FMO5: variants seen among roughly 807,000 people sequenced by gnomAD.
FMO5 encodes flavin containing dimethylaniline monoxygenase 5.
A neutral mutation model predicts 43.6 loss-of-function variants in FMO5; 51 were observed. That is an observed-to-expected ratio of 1.17 (90% CI 0.93 to 1.48). The LOEUF (loss-of-function observed/expected upper bound fraction) is 1.48. Ranked by LOEUF, FMO5 falls within the 40% of genes most tolerant of loss-of-function variation. The pLI is 0.00. For synonymous variants in FMO5, 187 were observed against 216.5 expected, an observed-to-expected ratio of 0.86 and a Z score of 1.20; for missense variants, 644 against 643.0, an observed-to-expected ratio of 1.00 and a Z score of -0.02.
At chr1:147,185,305 C>G (rs1318878245), downstream of FMO5, among the ~76,000 whole-genome samples, 1 of 151,846 alleles carries the variant, frequency 6.6e-6, no homozygotes, top group Non-Finnish European at 1.5e-5. Context: ...TATCAAAGGG[C>G]TGTTAATTCA....
chr1:147,190,313 C>T (rs1656466044), intron 7 of FMO5, 64 bp from the exon 8 acceptor site: 2 of 1,009,778 alleles, frequency 2.0e-6, no homozygotes, highest in East Asian at 4.8e-5. Context: ...ATCCTATAAA[C>T]AATTACTATG....
intron 6 of FMO5, chr1:147,205,061 C>G: frequency 1.6e-6 from 1 of 633,890 alleles, no homozygotes; most frequent in Non-Finnish European, 2.8e-6. Flanking sequence ...TCCAGCCATA[C>G]CAGACTACAT....
chr1:147,200,844 C>T (rs1658845760), intron 7 of FMO5, among the ~76,000 whole-genome samples: 1 of 152,080 alleles, frequency 6.6e-6, no homozygotes, highest in African/African-American at 2.4e-5. Flanking sequence ...TTGGAGTACA[C>T]ATTGGAATTA....
chr1:147,189,683 C>T (rs1403774746), intron 8 of FMO5, among the ~76,000 whole-genome samples: 3 of 152,186 alleles, frequency 2.0e-5, no homozygotes, highest in African/African-American at 7.2e-5. Context: ...ACCATGTTCC[C>T]AACTCACAGT....
chr1:147,222,020 C>A (rs1553926387), intron 2 of FMO5, among the ~76,000 whole-genome samples: 1 of 152,158 alleles, frequency 6.6e-6, no homozygotes, highest in East Asian at 1.9e-4. Flanking sequence ...ACTCTATACA[C>A]TGATTATATT....
intron 2 of FMO5, 43 bp from the exon 3 acceptor site, chr1:147,215,985 T>C (rs1553925009): frequency 1.4e-6 from 2 of 1,467,680 alleles, no homozygotes; most frequent in South Asian, 1.3e-5. Context: ...GAGGATCATC[T>C]TCATGTTTTA....
chr1:147,188,393 T>C (rs1172876455), intron 8 of FMO5, among the ~76,000 whole-genome samples: 1 of 151,634 alleles, frequency 6.6e-6, no homozygotes, highest in African/African-American at 2.4e-5. Context: ...GCGTTGTTAG[T>C]ATGCCTGTAG....
At chr1:147,213,226 A>T in intron 4 of FMO5, 82 bp downstream of exon 4, 1 of 1,148,780 alleles carries the variant, frequency 8.7e-7, no homozygotes, top group Non-Finnish European at 1.2e-6. Flanking sequence ...AGTAGGAATT[A>T]CTCAGACCAC....
intron 8 of FMO5, 31 bp downstream of exon 8, chr1:147,190,146 A>G (rs782161305): frequency 9.4e-6 from 13 of 1,380,806 alleles, no homozygotes; most frequent in Non-Finnish European, 1.1e-5. Flanking sequence ...GTAGAAATGT[A>G]ACCATATATC....
intron 7 of FMO5, among the ~76,000 whole-genome samples, chr1:147,194,846 T>C (rs6593743): frequency 0.037 from 5,607 of 152,150 alleles, 116 homozygotes; most frequent in African/African-American, 0.047. Flanking sequence ...CCCACTCTCT[T>C]CTGGCTTGTA....
chr1:147,205,542 C>T (rs7528172), intron 6 of FMO5, among the ~76,000 whole-genome samples: 5,608 of 152,120 alleles, frequency 0.037, 148 homozygotes, highest in South Asian at 0.095. Context: ...AAAAGAAAGC[C>T]CATGTCAAAG....
At position 147,186,462 on chromosome 1, in the gene FMO5, G is replaced by GA. The variant is rs11387382; in HGVS notation, c.*437dup. The GA allele has an allele frequency of 0.23, 213,586 of 943,098 alleles. 24,908 individuals carry two copies. The highest frequency in any genetic ancestry group is 0.26 in the South Asian group (5,239 of 20,418). 58.4% of individuals were successfully genotyped at this position (943,098 alleles called of 1,614,324 possible). ...CAGGAAACATATTTAGTTATAATAT[G>GA]AAAAAAAACTAAAATTGAGCTTCTA... On this transcript the variant is annotated 3_prime_UTR_variant, in exon 9 of 9. Coordinates refer to ENST00000254090, the MANE Select transcript of FMO5 (RefSeq NM_001461.4).
chr1:147,193,082 T>G (rs1333526437), intron 7 of FMO5, among the ~76,000 whole-genome samples: 23 of 152,200 alleles, frequency 1.5e-4, no homozygotes, highest in African/African-American at 5.3e-4. Flanking sequence ...TCAGAAGGAA[T>G]GGTACCAGCT....
At chr1:147,203,586 G>A (rs1405694648) in intron 6 of FMO5, 6 of 1,069,176 alleles carry the variant, frequency 5.6e-6, no homozygotes, top group African/African-American at 1.5e-5. Context: ...GCCAGTGCAC[G>A]GGGAATAGCT....
intron 3 of FMO5, 107 bp downstream of exon 3, chr1:147,215,647 G>A: frequency 2.6e-6 from 2 of 776,848 alleles, no homozygotes; most frequent in Admixed American, 2.7e-5. Flanking sequence ...ATAAATACAT[G>A]TGCAAATCAA....
At chr1:147,199,288 A>G (rs1658578345) in intron 7 of FMO5, among the ~76,000 whole-genome samples, 1 of 152,196 alleles carries the variant, frequency 6.6e-6, no homozygotes, top group Admixed American at 6.5e-5. Context: ...TAGTGAAGGG[A>G]TAATTCAGGG....
chr1:147,192,861 C>T lies in FMO5; in HGVS notation c.1184-2612G>A, dbSNP rs587773486. On this transcript the variant is annotated intron_variant, in intron 7 of 8. Coordinates refer to ENST00000254090, the MANE Select transcript of FMO5 (RefSeq NM_001461.4). ...CCAGCCTTGCATCCCAGGGATGAAG[C>T]CCACTTGATCATGGCAGATAAGCTT... Among the ~76,000 whole-genome samples, 8 of 152,182 alleles carry T rather than the reference C, an allele frequency of 5.3e-5. No individual in the cohort carries two copies. In the South Asian group the frequency reaches 1.7e-3, roughly 32 times the overall value.
chr1:147,203,761 T>G, intron 6 of FMO5: 6 of 1,530,936 alleles, frequency 3.9e-6, no homozygotes, highest in Non-Finnish European at 5.4e-6. Context: ...CATCATCTAC[T>G]GCCCTTTCTA....
At position 147,186,942 on chromosome 1, in the gene FMO5, C is replaced by G; in HGVS notation, c.1560G>C (p.Met520Ile). ...TTATAGCAAAGAAGGCAAGAGCTAGCATAAACTTGCCTATTGTCATTGTTG... is the reference window on the plus strand; with the variant it reads ...TTATAGCAAAGAAGGCAAGAGCTAGGATAAACTTGCCTATTGTCATTGTTG... ...MTSTMTIGKFMLALAFFAIII... is the reference protein window; with the variant it reads ...MTSTMTIGKFILALAFFAIII... The change falls in exon 9 of 9, where the codon ATG becomes ATC. Residue 520 changes from methionine to isoleucine, a missense_variant. Transcript: ENST00000254090. 1 of 1,614,120 alleles carries G rather than the reference C, an allele frequency of 6.2e-7. No homozygotes were observed. Among genetic ancestry groups the G allele is most frequent in the Non-Finnish European group, 8.5e-7 (1 of 1,179,988 alleles).
Sources: gnomAD v4.1 joint callset for allele counts (sites outside exome capture counted in the v4.1 genomes callset) on GRCh38, gnomAD v4.1.1 for gene constraint, MANE v1.5 for transcripts, NCBI Gene and HGNC (gene_info 2026-07-23, HGNC 2026-07-21) for gene names.